The following KCNH7 variants were observed in gnomAD, a reference collection of about 807,000 sequenced individuals.
KCNH7 encodes the protein potassium voltage-gated channel subfamily H member 7.
Under a neutral mutation model 120.8 loss-of-function variants are expected in KCNH7, and 49 were observed. That is an observed-to-expected ratio of 0.41 (90% CI 0.32 to 0.51). The LOEUF (loss-of-function observed/expected upper bound fraction) is 0.51. KCNH7 is among the 20% of genes least tolerant of loss of function. The probability of loss-of-function intolerance (pLI) is 0.38; values close to 1 mark genes in which losing one functional copy is unlikely to be tolerated. For synonymous variants in KCNH7, 547 were observed against 516.1 expected (o/e 1.06, Z -0.81); for missense variants, 1,097 against 1,446.6 (o/e 0.76, Z 3.92).
chr2:162,507,989 A>T (rs1690940626), intron 5 of KCNH7, among the ~76,000 whole-genome samples: 2 of 151,586 alleles, frequency 1.3e-5, no homozygotes, highest in Admixed American at 1.3e-4. Context: ...TTATTGTGTT[A>T]TGTTTTCTAG....
chr2:162,760,402 A>G (rs1688929744), intron 2 of KCNH7, among the ~76,000 whole-genome samples: 1 of 152,074 alleles, frequency 6.6e-6, no homozygotes, highest in African/African-American at 2.4e-5. Context: ...AAAAATCACC[A>G]TGTGTGCAAG....
Position 162,504,514 on chromosome 2 carries a change from A to G in KCNH7, c.1057T>C (p.Ser353Pro), listed in dbSNP as rs746061274. Residue 353 changes from serine (S) to proline (P), a missense_variant, in exon 6 of 16, where the codon TCT becomes CCT. Ser to Pro is a moderately conservative substitution (Grantham distance 74). This residue lies in a region of KCNH7 where 362 missense variants were observed against 372.2 expected (regional missense o/e 0.97). Transcript: ENST00000332142. ...KTEKKNSSPPSSDKTIIAPKV... is the reference protein window; with the variant it reads ...KTEKKNSSPPPSDKTIIAPKV... ...GGTGCAATAATGGTTTTATCTGAAG[A>G]AGGAGGTGATGAATTCTTTTTCTCA... 6.2e-7 allele frequency: 1 copy of G among 1,613,146 alleles called. No homozygotes were observed. Among genetic ancestry groups the G allele is most frequent in the South Asian group, 1.1e-5 (1 of 91,070 alleles).
At chr2:162,566,935 G>C (rs1693276745) in intron 2 of KCNH7, among the ~76,000 whole-genome samples, 1 of 152,016 alleles carries the variant, frequency 6.6e-6, no homozygotes, top group Non-Finnish European at 1.5e-5. Flanking sequence ...GGGTGGGATG[G>C]AAGGATTCAT....
At chr2:162,413,216 C>A (rs778927528) in intron 9 of KCNH7, among the ~76,000 whole-genome samples, 16 of 152,088 alleles carry the variant, frequency 1.1e-4, no homozygotes, top group South Asian at 2.1e-4. Flanking sequence ...TTAACCTCCA[C>A]CTCCTGGCTT....
intron 2 of KCNH7, among the ~76,000 whole-genome samples, chr2:162,780,402 T>C (rs1683430133): frequency 1.3e-5 from 2 of 152,312 alleles, no homozygotes; most frequent in South Asian, 4.1e-4. Context: ...AGGGATTTTT[T>C]CCTAATCATT....
chr2:162,569,013 G>A (rs979484536), intron 2 of KCNH7, among the ~76,000 whole-genome samples: 6 of 152,022 alleles, frequency 3.9e-5, no homozygotes, highest in Non-Finnish European at 8.8e-5. Flanking sequence ...GTCTCTGCCC[G>A]GCTTTGGTAT....
At position 162,423,064 on chromosome 2, in the gene KCNH7, T is replaced by A. The variant is rs370390635; in HGVS notation, c.2154+272A>T. Among the ~76,000 whole-genome samples the A allele has an allele frequency of 2.3e-4, 35 of 152,138 alleles. 1 individual carries two copies. The highest frequency in any genetic ancestry group is 7.5e-4 in the African/African-American group (31 of 41,426). On this transcript the variant is annotated intron_variant, in intron 9 of 15. Coordinates refer to ENST00000332142, the MANE Select transcript of KCNH7 (RefSeq NM_033272.4). ...AAAACCCAAGTCCCAGCTAAAGCAA[T>A]GCTCTCTCTCACCAGAAGTGGGAAC...
intron 2 of KCNH7, among the ~76,000 whole-genome samples, chr2:162,672,754 T>A (rs989479783): frequency 1.3e-5 from 2 of 151,978 alleles, no homozygotes; most frequent in African/African-American, 2.4e-5. Flanking sequence ...CTACACAGAA[T>A]ATTAAAATAT....
chr2:162,495,105 T>C (rs2105727496), intron 6 of KCNH7, among the ~76,000 whole-genome samples: 1 of 152,300 alleles, frequency 6.6e-6, no homozygotes, highest in South Asian at 2.1e-4. Flanking sequence ...CTTACGGCAA[T>C]ATATTTATTT....
intron 2 of KCNH7, among the ~76,000 whole-genome samples, chr2:162,570,448 G>T (rs1693428063): frequency 6.6e-6 from 1 of 151,928 alleles, no homozygotes; most frequent in African/African-American, 2.4e-5. Context: ...TGGGTTTCCT[G>T]AATACAGCAC....
chr2:162,518,185 T>C (rs772009960), intron 3 of KCNH7, 27 bp from the exon 4 acceptor site: 33 of 1,522,684 alleles, frequency 2.2e-5, no homozygotes, highest in Admixed American at 1.6e-4. Context: ...GAGAGAGCAT[T>C]ATTATAAGGC....
Position 162,379,912 on chromosome 2 carries a change from G to A in KCNH7, c.3072C>T (p.Ser1024=), listed in dbSNP as rs375727808. ...GTTCCACTTCCCCGTAGGTGAGGTCGCTTTCGGTTTCAGAGATACCCCAGG... is the reference window on the plus strand; with the variant it reads ...GTTCCACTTCCCCGTAGGTGAGGTCACTTTCGGTTTCAGAGATACCCCAGG... The part of the protein sequence containing the change: ...RAAWGISETE[S]DLTYGEVEQR... The change falls in exon 14 of 16, where the codon AGC becomes AGT. Residue 1024 remains serine (S), a synonymous_variant. Transcript: ENST00000332142. 1.9e-4 allele frequency: 308 copies of A among 1,613,996 alleles called. 6 individuals are homozygous for A. The South Asian group carries it at 2.7e-3, about 14-fold the overall frequency.
chr2:162,632,711 T>C lies in KCNH7; in HGVS notation c.308-95631A>G, dbSNP rs562308354. Among the ~76,000 whole-genome samples, 14 of 151,908 alleles carry C rather than the reference T, an allele frequency of 9.2e-5. 1 individual carries two copies. In the South Asian group the frequency reaches 2.7e-3, roughly 29 times the overall value. ...TAAATACATATAAATATATGTTGAA[T>C]AAGCTTTATTTAAAAACCTGAAGAA... On this transcript the variant is annotated intron_variant, in intron 2 of 15. Coordinates refer to ENST00000332142, the MANE Select transcript of KCNH7 (RefSeq NM_033272.4).
chr2:162,487,084 G>C (rs748967641), intron 6 of KCNH7, among the ~76,000 whole-genome samples: 2 of 152,156 alleles, frequency 1.3e-5, no homozygotes, highest in Non-Finnish European at 2.9e-5. Flanking sequence ...CAATATGACA[G>C]TAGCTGCCCT....
intron 2 of KCNH7, among the ~76,000 whole-genome samples, chr2:162,581,625 T>C (rs1693869219): frequency 6.6e-6 from 1 of 152,022 alleles, no homozygotes; most frequent in Admixed American, 6.6e-5. Context: ...TGTATTTAAA[T>C]GCAGATTTTC....
intron 2 of KCNH7, among the ~76,000 whole-genome samples, chr2:162,640,055 A>G (rs1240162438): frequency 6.6e-6 from 1 of 152,176 alleles, no homozygotes; most frequent in Non-Finnish European, 1.5e-5. Context: ...TCAAATATTT[A>G]AATAAATGTA....
chr2:162,837,408 C>A (rs1685699433), intron 1 of KCNH7, among the ~76,000 whole-genome samples: 1 of 152,002 alleles, frequency 6.6e-6, no homozygotes, highest in Admixed American at 6.6e-5. Context: ...TCATGACAAC[C>A]TTTTTACTTT....
intron 9 of KCNH7, among the ~76,000 whole-genome samples, chr2:162,417,788 T>C (rs1272924844): frequency 6.6e-6 from 1 of 152,182 alleles, no homozygotes; most frequent in Non-Finnish European, 1.5e-5. Flanking sequence ...CCATCATCAC[T>C]TGTGCAAGAT....
chr2:162,416,244 G>T (rs1687538495), intron 9 of KCNH7, among the ~76,000 whole-genome samples: 1 of 151,754 alleles, frequency 6.6e-6, no homozygotes, highest in Non-Finnish European at 1.5e-5. Context: ...ATCATGGTGG[G>T]CGCCTGTAGT....
Sources: gnomAD v4.1 joint callset for allele counts (sites outside exome capture counted in the v4.1 genomes callset) on GRCh38, gnomAD v4.1.1 for gene constraint, gnomAD v4.1.1 regional missense constraint, MANE v1.5 for transcripts, NCBI Gene and HGNC (gene_info 2026-07-23, HGNC 2026-07-21) for gene names.